LARP1: variants seen among roughly 807,000 people sequenced by gnomAD.
The protein encoded by LARP1 is la-related protein 1.
In LARP1, 36 loss-of-function variants were observed where a neutral mutation model predicts 122.7. The ratio of observed to expected loss-of-function variants is 0.29; its 90% CI spans 0.22 to 0.39. LARP1 has a LOEUF of 0.39. LARP1 is among the 10% of genes least tolerant of loss of function. LARP1 has a pLI of 1.00. For missense variants in LARP1, 1,040 were observed against 1,403.6 expected (o/e 0.74, Z 4.14); for synonymous variants, 539 against 528.7 (o/e 1.02, Z -0.27).
chr5:154,773,363 G>T (rs1488247921), intron 1 of LARP1, among the ~76,000 whole-genome samples: 1 of 152,164 alleles, frequency 6.6e-6, no homozygotes, highest in African/African-American at 2.4e-5. Context: ...AGGAAGGAAG[G>T]TAACAGTTTG....
chr5:154,810,579 C>T (rs13181915), intron 16 of LARP1, among the ~76,000 whole-genome samples: 1 of 152,060 alleles, frequency 6.6e-6, no homozygotes, highest in African/African-American at 2.4e-5. Flanking sequence ...CCTCCACCTC[C>T]CAGGTTCAAG....
At chr5:154,791,137 T>G (rs529623644) in intron 3 of LARP1, among the ~76,000 whole-genome samples, 31 of 146,880 alleles carry the variant, frequency 2.1e-4, no homozygotes, top group Non-Finnish European at 3.0e-4. Context: ...TTTTGTTGTT[T>G]TTTTTTTTTT....
At chr5:154,689,755 A>G (rs1754104608) in intron 1 of LARP1, among the ~76,000 whole-genome samples, 2 of 152,154 alleles carry the variant, frequency 1.3e-5, no homozygotes, top group African/African-American at 4.8e-5. Flanking sequence ...TATCACCTCC[A>G]TTTTACAGAG....
chr5:154,776,026 TG>T (rs748577088), intron 1 of LARP1, among the ~76,000 whole-genome samples: 1 of 152,170 alleles, frequency 6.6e-6, no homozygotes, highest in Non-Finnish European at 1.5e-5. Flanking sequence ...AAAGTAAATA[TG>T]GCCGGGCTTG....
chr5:154,756,234 T>C, intron 1 of LARP1, 41 bp downstream of exon 1: 1 of 1,195,876 alleles, frequency 8.4e-7, no homozygotes, highest in Non-Finnish European at 1.1e-6. Flanking sequence ...GGGGGCCTCT[T>C]CCGGGGACAT....
intron 1 of LARP1, among the ~76,000 whole-genome samples, chr5:154,706,331 T>TAATAATAATAAC (rs1754948392): frequency 8.3e-6 from 1 of 121,154 alleles, no homozygotes; most frequent in African/African-American, 2.8e-5. Flanking sequence ...ATAATAATAA[T>TAATAATAATAAC]AATAAAATGT....
chr5:154,789,480 C>T (rs1475354737), intron 1 of LARP1, among the ~76,000 whole-genome samples: 2 of 152,082 alleles, frequency 1.3e-5, no homozygotes, highest in Non-Finnish European at 2.9e-5. Flanking sequence ...CTTGGCCCCC[C>T]AAAGTGCTGG....
intron 6 of LARP1, 47 bp from the exon 7 acceptor site, chr5:154,794,053 G>T: frequency 6.2e-7 from 1 of 1,611,542 alleles, no homozygotes; most frequent in African/African-American, 1.3e-5. Flanking sequence ...CAGCAGGGGT[G>T]GTGGGCAGGA....
chr5:154,762,398 GAGTT>G (rs1314174069), intron 1 of LARP1, among the ~76,000 whole-genome samples: 4 of 152,192 alleles, frequency 2.6e-5, no homozygotes, highest in African/African-American at 9.7e-5. Context: ...GGATAATCAG[GAGTT>G]AGCTGAATTT....
Position 154,795,698 on chromosome 5 carries a change from CTTG to C in LARP1, c.1377+382_1377+384del, listed in dbSNP as rs1419283630. ...TCAGTATAGATTTCTAAAAGATAGA[CTTG>C]TTAAAAGAAAATAGCCACAGTATCA... On this transcript the variant is annotated intron_variant, in intron 8 of 18. Coordinates refer to ENST00000518297, the MANE Select transcript of LARP1 (RefSeq NM_033551.3). 1.5e-3 allele frequency among the ~76,000 whole-genome samples: 231 copies of C among 150,592 alleles called. 2 individuals are homozygous for C. Among genetic ancestry groups the C allele is most frequent in the Non-Finnish European group, 1.6e-4 (11 of 67,834 alleles).
Position 154,799,574 on chromosome 5 carries a change from C to T in LARP1, c.1378-17C>T. On this transcript the variant is annotated splice_polypyrimidine_tract_variant and intron_variant, in intron 8 of 18. Coordinates refer to ENST00000518297, the MANE Select transcript of LARP1 (RefSeq NM_033551.3). Reference sequence around the variant, plus strand: ...AGATTTTCTTCTTAATCCCCTCTTCCTTCTCCTCCCCTTCAGGCCCTAAAG... The same window carrying T: ...AGATTTTCTTCTTAATCCCCTCTTCTTTCTCCTCCCCTTCAGGCCCTAAAG... The T allele has an allele frequency of 6.2e-7, 1 of 1,612,610 alleles. No homozygotes were observed. The highest frequency in any genetic ancestry group is 1.1e-5 in the South Asian group (1 of 91,032).
chr5:154,811,484 G>C, intron 17 of LARP1, 29 bp from the exon 18 acceptor site: 1 of 1,614,134 alleles, frequency 6.2e-7, no homozygotes, highest in Non-Finnish European at 8.5e-7. Flanking sequence ...ATCCTCACCA[G>C]CTCAGCTTTT....
At chr5:154,743,822 G>T (rs1314631852) in intron 1 of LARP1, among the ~76,000 whole-genome samples, 1 of 150,602 alleles carries the variant, frequency 6.6e-6, no homozygotes, top group Non-Finnish European at 1.5e-5. Flanking sequence ...GTTTCACCAT[G>T]TTGGCCAGGC....
intron 8 of LARP1, among the ~76,000 whole-genome samples, chr5:154,796,120 A>T (rs1211315471): frequency 1.8e-5 from 2 of 108,276 alleles, no homozygotes; most frequent in African/African-American, 4.9e-5. Flanking sequence ...TAGTATATAT[A>T]TTATATATAT....
At chr5:154,773,416 T>TA (rs1415382634) in intron 1 of LARP1, among the ~76,000 whole-genome samples, 5 of 152,056 alleles carry the variant, frequency 3.3e-5, no homozygotes, top group African/African-American at 1.2e-4. Context: ...TGAAGGCACA[T>TA]ACCCAGCTGC....
chr5:154,727,073 A>G (rs765366216), intron 1 of LARP1, among the ~76,000 whole-genome samples: 3 of 152,226 alleles, frequency 2.0e-5, no homozygotes, highest in Non-Finnish European at 4.4e-5. Context: ...AGTATTCAGC[A>G]CATATAATAC....
chr5:154,812,781 T>A (rs972251385), intron 18 of LARP1, among the ~76,000 whole-genome samples: 2 of 151,940 alleles, frequency 1.3e-5, no homozygotes, highest in Non-Finnish European at 2.9e-5. Context: ...CCTCCCAAAG[T>A]GCTGGGAGTA....
chr5:154,807,629 C>G (rs1758891373), intron 15 of LARP1, among the ~76,000 whole-genome samples: 1 of 152,160 alleles, frequency 6.6e-6, no homozygotes, highest in South Asian at 2.1e-4. Flanking sequence ...TAGCCCACTG[C>G]AGTCTCGAAC....
intron 1 of LARP1, among the ~76,000 whole-genome samples, chr5:154,731,846 G>A (rs1225563042): frequency 6.6e-6 from 1 of 151,892 alleles, no homozygotes; most frequent in Non-Finnish European, 1.5e-5. Context: ...TGGCCAACAT[G>A]GTGAAACGCT....
Sources: gnomAD v4.1 joint callset for allele counts (sites outside exome capture counted in the v4.1 genomes callset) on GRCh38, gnomAD v4.1.1 for gene constraint, MANE v1.5 for transcripts, NCBI Gene and HGNC (gene_info 2026-07-23, HGNC 2026-07-21) for gene names.